Variants in GRB10 observed in about 807,000 individuals in gnomAD.
The protein encoded by GRB10 is growth factor receptor-bound protein 10.
A neutral mutation model predicts 80.9 loss-of-function variants in GRB10; 20 were observed. The ratio of observed to expected loss-of-function variants is 0.25; its 90% CI spans 0.17 to 0.36. The LOEUF is 0.36. GRB10 is among the 10% of genes least tolerant of loss of function. GRB10 has a pLI of 1.00. For missense variants in GRB10, 548 were observed against 747.7 expected (o/e 0.73, Z 3.12); for synonymous variants, 291 against 291.5 (o/e 1.00, Z 0.02).
At chr7:50,617,387 T>C (rs1176960440) in intron 10 of GRB10, among the ~76,000 whole-genome samples, 1 of 152,128 alleles carries the variant, frequency 6.6e-6, no homozygotes, top group African/African-American at 2.4e-5. Flanking sequence ...TAGGAAATGG[T>C]TTATTCTCTC....
intron 5 of GRB10, among the ~76,000 whole-genome samples, chr7:50,697,285 AT>A: frequency 6.6e-6 from 1 of 152,336 alleles, no homozygotes; most frequent in South Asian, 2.1e-4. Flanking sequence ...AACGACTAAA[AT>A]GGTTAATTTT....
chr7:50,697,271 T>C (rs1281189026), intron 5 of GRB10, among the ~76,000 whole-genome samples: 6 of 152,354 alleles, frequency 3.9e-5, no homozygotes, highest in East Asian at 3.9e-4. Flanking sequence ...TGTACACTTA[T>C]ACAAACGACT....
chr7:50,759,112 G>C (rs2153704497), intron 2 of GRB10, among the ~76,000 whole-genome samples: 1 of 151,024 alleles, frequency 6.6e-6, no homozygotes. Flanking sequence ...AGGATCGCTT[G>C]AGCCCAGGAA....
rs748006583 is a variant in GRB10 at position 50,606,365 on chromosome 7, G to C, written c.1244C>G (p.Ala415Gly). ...QNYRIPQQRKALLSPFSTPVR... is the reference protein window; with the variant it reads ...QNYRIPQQRKGLLSPFSTPVR... ...TGGCGTCGAGAACGGGGACAGCAAG[G>C]CCTTCCTCTGCTGAGGGATTCGGTA... Residue 415 changes from alanine to glycine, a missense_variant, in exon 14 of 19, where the codon GCC (alanine) becomes GGC (glycine). Transcript: ENST00000401949. The C allele has an allele frequency of 2.6e-5, 42 of 1,613,992 alleles. No individual in the cohort carries two copies. In the Admixed American group the frequency reaches 4.2e-4, roughly 16 times the overall value.
At chr7:50,757,349 G>A (rs771440713) in intron 2 of GRB10, among the ~76,000 whole-genome samples, 1 of 152,216 alleles carries the variant, frequency 6.6e-6, no homozygotes, top group Non-Finnish European at 1.5e-5. Flanking sequence ...TCAACGTATA[G>A]CAAACGTTAA....
intron 5 of GRB10, among the ~76,000 whole-genome samples, chr7:50,701,534 T>A (rs2064224509): frequency 6.6e-6 from 1 of 152,184 alleles, no homozygotes. Flanking sequence ...AAGGCTGCAG[T>A]GAGCTACGAG....
At chr7:50,627,420 G>A (rs778636126) in intron 7 of GRB10, among the ~76,000 whole-genome samples, 5 of 152,094 alleles carry the variant, frequency 3.3e-5, no homozygotes, top group East Asian at 1.9e-4. Context: ...TTGACGAGTC[G>A]ACCTGTTCTC....
At chr7:50,604,655 G>A (rs1181693982) in intron 15 of GRB10, among the ~76,000 whole-genome samples, 1 of 152,182 alleles carries the variant, frequency 6.6e-6, no homozygotes, top group Admixed American at 6.5e-5. Context: ...TGAACATCCT[G>A]GTAAATCGCA....
intron 5 of GRB10, among the ~76,000 whole-genome samples, chr7:50,686,685 G>A (rs556159854): frequency 4.2e-4 from 64 of 152,168 alleles, no homozygotes; most frequent in African/African-American, 1.5e-3. Context: ...CATTTTTTGA[G>A]CACCTGCAAG....
At chr7:50,773,390 GGGGAA>G (rs1248535473) in intron 2 of GRB10, among the ~76,000 whole-genome samples, 2 of 113,612 alleles carry the variant, frequency 1.8e-5, no homozygotes, top group South Asian at 6.9e-4. Flanking sequence ...GGGAAGGGAA[GGGGAA>G]GGGAAGGGGA....
intron 5 of GRB10, among the ~76,000 whole-genome samples, chr7:50,688,015 G>A: frequency 6.6e-6 from 1 of 152,342 alleles, no homozygotes; most frequent in African/African-American, 2.4e-5. Context: ...AAACCGTGGA[G>A]GGGAGGGAGG....
At chr7:50,775,179 A>AAAAAAAAAAAAAAAAAC (rs1562689445) in intron 2 of GRB10, among the ~76,000 whole-genome samples, 12 of 148,692 alleles carry the variant, frequency 8.1e-5, no homozygotes, top group Non-Finnish European at 1.5e-4. Context: ...AAAAACAAAA[A>AAAAAAAAAAAAAAAAAC]AAAACAGTGG....
At chr7:50,773,480 AGGCAGGGGAG>A (rs2077236688) in intron 2 of GRB10, among the ~76,000 whole-genome samples, 1 of 10,992 alleles carries the variant, frequency 9.1e-5, no homozygotes, top group East Asian at 4.8e-3. Context: ...GGGGAGGGGA[AGGCAGGGGAG>A]GGGAGGGGAG....
In GRB10 at chr7:50,773,901, A is replaced by T. The variant is rs986766987; in HGVS notation, c.-217+6726T>A. Among the ~76,000 whole-genome samples the T allele has an allele frequency of 2.0e-5, 3 of 152,246 alleles. No individual in the cohort carries two copies. The South Asian group carries it at 6.2e-4, about 32-fold the overall frequency. On this transcript the variant is annotated intron_variant, in intron 2 of 18. Transcript: ENST00000401949. ...GAGACGAAGTCTCGCTCTATCACCC[A>T]GGCTGGAGTGCAGTGGCGTGATCTC...
At chr7:50,630,611 C>A (rs1164040276) in intron 7 of GRB10, among the ~76,000 whole-genome samples, 4 of 152,168 alleles carry the variant, frequency 2.6e-5, no homozygotes, top group Admixed American at 1.3e-4. Context: ...ACCTCATGAC[C>A]AGTTAAGATG....
chr7:50,703,128 G>T (rs960145965), intron 5 of GRB10, among the ~76,000 whole-genome samples: 22 of 152,176 alleles, frequency 1.4e-4, no homozygotes, highest in Non-Finnish European at 2.8e-4. Flanking sequence ...TGACTTCATG[G>T]TCAGATCCCA....
intron 3 of GRB10, among the ~76,000 whole-genome samples, chr7:50,739,934 C>T (rs73350815): frequency 0.022 from 3,402 of 152,292 alleles, 118 homozygotes; most frequent in African/African-American, 0.074. Context: ...TCTTATGCCA[C>T]CTCTTCCTGT....
intron 3 of GRB10, among the ~76,000 whole-genome samples, chr7:50,744,459 T>G (rs2072491293): frequency 6.6e-6 from 1 of 152,140 alleles, no homozygotes; most frequent in Non-Finnish European, 1.5e-5. Context: ...CATGTATAAT[T>G]TTTTACTCCC....
At chr7:50,598,367 C>A (rs2047012875) in intron 17 of GRB10, among the ~76,000 whole-genome samples, 1 of 152,136 alleles carries the variant, frequency 6.6e-6, no homozygotes, top group Non-Finnish European at 1.5e-5. Context: ...TGACTACTAA[C>A]CAGGCTCAGA....
Sources: gnomAD v4.1 joint callset for allele counts (sites outside exome capture counted in the v4.1 genomes callset) on GRCh38, gnomAD v4.1.1 for gene constraint, MANE v1.5 for transcripts, NCBI Gene and HGNC (gene_info 2026-07-23, HGNC 2026-07-21) for gene names.